PRR16: variants seen among roughly 807,000 people sequenced by gnomAD.
PRR16 encodes protein Largen.
Under a neutral mutation model 18.2 loss-of-function variants are expected in PRR16, and 6 were observed. That is an observed-to-expected ratio of 0.33 (90% CI 0.18 to 0.65). The LOEUF is 0.65. Ranked by LOEUF, PRR16 falls within the 30% of genes least tolerant of loss-of-function variation. PRR16 has a pLI of 0.74. For synonymous variants in PRR16, 151 were observed against 147.8 expected, an observed-to-expected ratio of 1.02 and a Z score of -0.16; for missense variants, 412 against 376.6, an observed-to-expected ratio of 1.09 and a Z score of -0.78.
the PRR16 span, among the ~76,000 whole-genome samples, chr5:120,775,230 T>A: frequency 1.3e-5 from 2 of 152,186 alleles, no homozygotes; most frequent in East Asian, 3.9e-4. Context: ...TACACATTTA[T>A]TATTTTGCAT....
chr5:120,581,353 A>G (rs893308513), intron 1 of PRR16, among the ~76,000 whole-genome samples: 1 of 152,098 alleles, frequency 6.6e-6, no homozygotes, highest in Admixed American at 6.5e-5. Flanking sequence ...TTTCTGTGGG[A>G]TCAGTGGTGA....
intron 1 of PRR16, among the ~76,000 whole-genome samples, chr5:120,553,880 T>A (rs75306220): frequency 0.011 from 1,633 of 151,986 alleles, 56 homozygotes; most frequent in Admixed American, 0.057. Flanking sequence ...ATATAGGAAA[T>A]TTTCTAGCAA....
At chr5:120,467,570 GGTA>G (rs1396312956) in intron 1 of PRR16, among the ~76,000 whole-genome samples, 1 of 152,100 alleles carries the variant, frequency 6.6e-6, no homozygotes, top group African/African-American at 2.4e-5. Context: ...TGAAAACTCA[GGTA>G]GTAGGATAGA....
At chr5:120,564,941 G>A (rs933728276) in intron 1 of PRR16, among the ~76,000 whole-genome samples, 10 of 149,662 alleles carry the variant, frequency 6.7e-5, no homozygotes, top group South Asian at 2.1e-4. Flanking sequence ...AGCCGAGATC[G>A]CGCCACTGCA....
chr5:120,657,955 G>A (rs1561598620), intron 1 of PRR16: 4 of 151,848 alleles, frequency 2.6e-5, no homozygotes, highest in African/African-American at 9.7e-5. Context: ...CAACACCAAC[G>A]TGCTATCCCA....
chr5:120,729,629 G>A, the PRR16 span, among the ~76,000 whole-genome samples: 270 of 152,116 alleles, frequency 1.8e-3, 1 homozygote, highest in African/African-American at 6.1e-3. Flanking sequence ...TTTTGTTTAC[G>A]CATGGATGTT....
At chr5:120,521,887 G>A (rs1163250011) in intron 1 of PRR16, among the ~76,000 whole-genome samples, 1 of 151,864 alleles carries the variant, frequency 6.6e-6, no homozygotes, top group Non-Finnish European at 1.5e-5. Flanking sequence ...TTTTCTCATT[G>A]TTCAATTCCC....
intron 1 of PRR16, among the ~76,000 whole-genome samples, chr5:120,582,415 G>A (rs536527480): frequency 2.1e-4 from 32 of 151,946 alleles, no homozygotes; most frequent in Non-Finnish European, 4.0e-4. Context: ...CAATATACCT[G>A]TGTAACAAAC....
chr5:120,595,316 T>A (rs1294299357), intron 1 of PRR16, among the ~76,000 whole-genome samples: 2 of 151,856 alleles, frequency 1.3e-5, no homozygotes, highest in African/African-American at 4.8e-5. Flanking sequence ...AGAAGACATA[T>A]ATGCAGTCAA....
the PRR16 span, among the ~76,000 whole-genome samples, chr5:120,731,226 C>A: frequency 6.6e-6 from 1 of 151,984 alleles, no homozygotes; most frequent in Admixed American, 6.6e-5. Flanking sequence ...TATTTGTATT[C>A]AAAAATCTAT....
chr5:120,783,693 A>C, the PRR16 span, among the ~76,000 whole-genome samples: 1 of 149,732 alleles, frequency 6.7e-6, no homozygotes, highest in East Asian at 1.9e-4. Flanking sequence ...CCATCACCTA[A>C]AACATTTATC....
the PRR16 span, among the ~76,000 whole-genome samples, chr5:120,759,067 C>G: frequency 8.1e-5 from 12 of 147,482 alleles, no homozygotes; most frequent in Admixed American, 1.4e-4. Context: ...AGCTCTGCCT[C>G]CCAGGTTCAC....
intron 1 of PRR16, among the ~76,000 whole-genome samples, chr5:120,504,654 G>A (rs1183414294): frequency 6.6e-6 from 1 of 152,128 alleles, no homozygotes; most frequent in Non-Finnish European, 1.5e-5. Context: ...CAGAAGAGAG[G>A]AGCTCAAGCA....
At chr5:120,735,765 T>G in the PRR16 span, among the ~76,000 whole-genome samples, 2 of 152,234 alleles carry the variant, frequency 1.3e-5, no homozygotes, top group African/African-American at 4.8e-5. Context: ...TTACAAAAAT[T>G]TCCTCCTATT....
the PRR16 span, among the ~76,000 whole-genome samples, chr5:120,774,721 C>T: frequency 6.6e-6 from 1 of 152,134 alleles, no homozygotes; most frequent in African/African-American, 2.4e-5. Flanking sequence ...TACTTTTCTA[C>T]AACTAAACTT....
Position 120,464,396 on chromosome 5 carries a change from G to A in PRR16, c.-91G>A, listed in dbSNP as rs776217813. On this transcript the variant is annotated 5_prime_UTR_variant, in exon 1 of 2. Transcript: ENST00000407149. ...GCGCCCAAGATGTGGGGGGACCGGG[G>A]CGGCAGCGGCCGTAGCAGCGCCAGG... 2.7e-5 allele frequency: 38 copies of A among 1,401,116 alleles called. No individual in the cohort carries two copies. Among genetic ancestry groups the A allele is most frequent in the Non-Finnish European group, 3.4e-5 (36 of 1,056,330 alleles). 86.8% of individuals were successfully genotyped at this position (1,401,116 alleles called of 1,614,324 possible).
chr5:120,613,402 T>C (rs1354040711), intron 1 of PRR16, among the ~76,000 whole-genome samples: 5 of 152,162 alleles, frequency 3.3e-5, no homozygotes, highest in Admixed American at 6.5e-5. Flanking sequence ...TTTAAAATCC[T>C]ATTATGTATT....
the PRR16 span, among the ~76,000 whole-genome samples, chr5:120,793,999 G>A: frequency 2.0e-5 from 3 of 152,064 alleles, no homozygotes; most frequent in African/African-American, 2.4e-5. Context: ...AATATACGTG[G>A]TTCCTTGTTA....
intron 1 of PRR16, among the ~76,000 whole-genome samples, chr5:120,476,793 GTTC>G (rs1178557983): frequency 6.6e-6 from 1 of 151,850 alleles, no homozygotes; most frequent in Non-Finnish European, 1.5e-5. Context: ...TGATTTCTCA[GTTC>G]TTCTTTACAA....
Sources: allele counts gnomAD v4.1 joint callset (sites outside exome capture counted in the v4.1 genomes callset), GRCh38; gene constraint gnomAD v4.1.1; transcripts MANE v1.5; gene names NCBI Gene and HGNC (gene_info 2026-07-23, HGNC 2026-07-21).